The following UBE2W variants were observed in gnomAD, a reference collection of about 807,000 sequenced individuals.
The protein encoded by UBE2W is ubiquitin conjugating enzyme E2 W.
UBE2W carries 18 observed loss-of-function variants against 27.2 expected under a neutral mutation model. That is an observed-to-expected ratio of 0.66 (90% CI 0.46 to 0.98). UBE2W has a LOEUF of 0.98. UBE2W is among the 50% of genes least tolerant of loss of function. The pLI, the probability that UBE2W is intolerant of heterozygous loss-of-function variation, is 0.00. For missense variants in UBE2W, 90 were observed against 180.2 expected, an observed-to-expected ratio of 0.50 and a Z score of 2.87; for synonymous variants, 53 against 57.2, an observed-to-expected ratio of 0.93 and a Z score of 0.33.
chr8:73,878,249 C>A (rs183925525), intron 1 of UBE2W, among the ~76,000 whole-genome samples: 28 of 152,314 alleles, frequency 1.8e-4, no homozygotes, highest in African/African-American at 6.5e-4. Context: ...GATTAAGAGT[C>A]AAAGGGAAGA....
chr8:73,873,557 G>C lies in UBE2W; in HGVS notation c.15+5251C>G, dbSNP rs116935112. ...TATAGTCCCAGCTGCTTGGGAGTCT[G>C]AAGTGGGAGGATCACCCGAGCCTGG... On this transcript the variant is annotated intron_variant, in intron 1 of 5. Coordinates refer to ENST00000602593, the MANE Select transcript of UBE2W (RefSeq NM_018299.6). Among the ~76,000 whole-genome samples the C allele has an allele frequency of 6.1e-3, 931 of 152,210 alleles. 15 individuals carry two copies. The highest frequency in any genetic ancestry group is 0.041 in the South Asian group (195 of 4,812).
intron 5 of UBE2W, among the ~76,000 whole-genome samples, chr8:73,798,519 A>G (rs957918573): frequency 1.3e-5 from 2 of 152,140 alleles, no homozygotes; most frequent in African/African-American, 4.8e-5. Context: ...CAACCATTCA[A>G]TTTTCTAACA....
At chr8:73,878,416 G>C (rs1201465798) in intron 1 of UBE2W, among the ~76,000 whole-genome samples, 1 of 152,206 alleles carries the variant, frequency 6.6e-6, no homozygotes, top group Non-Finnish European at 1.5e-5. Flanking sequence ...AACAACCGCG[G>C]GCGCAGCTGT....
Position 73,788,198 on chromosome 8 carries a change from CAA to C in UBE2W, c.*5902_*5903del. The C allele has an allele frequency of 2.1e-6, 2 of 948,942 alleles. No homozygotes were observed. The highest frequency in any genetic ancestry group is 2.5e-6 in the Non-Finnish European group (2 of 796,878). The allele number at this position is 948,942 out of a possible 1,614,324, so 58.8% of individuals were successfully genotyped here. ...AGCAAAGTAATCTGCATTCAACTAA[CAA>C]GTCTGATACATGTATTAAAAAATAT... On this transcript the variant is annotated 3_prime_UTR_variant, in exon 6 of 6. Coordinates refer to ENST00000602593, the MANE Select transcript of UBE2W (RefSeq NM_018299.6).
chr8:73,797,489 T>C (rs1025168177), intron 5 of UBE2W, among the ~76,000 whole-genome samples: 2 of 152,190 alleles, frequency 1.3e-5, no homozygotes, highest in African/African-American at 4.8e-5. Context: ...ACAAACAAAC[T>C]GAGTAAAAGT....
intron 1 of UBE2W, among the ~76,000 whole-genome samples, chr8:73,836,224 G>A (rs1810303898): frequency 6.6e-6 from 1 of 151,964 alleles, no homozygotes. Context: ...CTGAGGGGGT[G>A]GAATTATTAC....
chr8:73,811,922 T>C lies in UBE2W; in HGVS notation c.211-1293A>G, dbSNP rs181369020. Reference sequence around the variant, plus strand: ...GTATGCTATAGTTTAATATGGAATATGTTATAGGAAATTACCATAAGCTAA... The same window carrying C: ...GTATGCTATAGTTTAATATGGAATACGTTATAGGAAATTACCATAAGCTAA... On this transcript the variant is annotated intron_variant, in intron 3 of 5. Transcript: ENST00000602593. Among the ~76,000 whole-genome samples the C allele has an allele frequency of 6.6e-5, 10 of 150,980 alleles. No individual in the cohort carries two copies. In the East Asian group the frequency reaches 1.7e-3, roughly 26 times the overall value.
Position 73,787,468 on chromosome 8 carries a change from T to G in UBE2W, c.*6634A>C. On this transcript the variant is annotated 3_prime_UTR_variant, in exon 6 of 6. Coordinates refer to ENST00000602593, the MANE Select transcript of UBE2W (RefSeq NM_018299.6). Reference sequence around the variant, plus strand: ...ATCAAAGTACAAAAGATGGTTCATATATTTATCTAACCATCTACTAACATA... The same window carrying G: ...ATCAAAGTACAAAAGATGGTTCATAGATTTATCTAACCATCTACTAACATA... 1 of 985,358 alleles carries G rather than the reference T, an allele frequency of 1.0e-6. No homozygotes were observed. The highest frequency in any genetic ancestry group is 1.2e-6 in the Non-Finnish European group (1 of 829,846). 61.0% of individuals were successfully genotyped at this position (985,358 alleles called of 1,614,324 possible).
intron 1 of UBE2W, chr8:73,870,417 T>C (rs1234616264): frequency 5.4e-6 from 5 of 920,668 alleles, no homozygotes; most frequent in Non-Finnish European, 8.1e-6. Context: ...CAAAAGCATC[T>C]AGTAGAGCTA....
intron 1 of UBE2W, among the ~76,000 whole-genome samples, chr8:73,873,323 A>G (rs924920165): frequency 2.6e-5 from 4 of 152,188 alleles, no homozygotes. Flanking sequence ...GTAAGAGTCC[A>G]TGTTCCATCT....
intron 1 of UBE2W, among the ~76,000 whole-genome samples, chr8:73,878,071 G>A (rs1289520200): frequency 1.3e-5 from 2 of 152,298 alleles, no homozygotes; most frequent in Non-Finnish European, 1.5e-5. Flanking sequence ...AAAATAGAAG[G>A]CAAGCTATCC....
intron 1 of UBE2W, among the ~76,000 whole-genome samples, chr8:73,865,027 G>A (rs1419035721): frequency 6.6e-6 from 1 of 151,816 alleles, no homozygotes; most frequent in Non-Finnish European, 1.5e-5. Context: ...ACACTAGACA[G>A]CACATAAGTT....
intron 1 of UBE2W, among the ~76,000 whole-genome samples, chr8:73,863,975 T>C (rs897982150): frequency 5.4e-5 from 8 of 147,168 alleles, no homozygotes; most frequent in Non-Finnish European, 1.0e-4. Context: ...GAGGAAAGTA[T>C]GATCTACAGT....
Position 73,780,098 on chromosome 8 carries a change from A to C in UBE2W, c.*382T>G, listed in dbSNP as rs76652031. The C allele has an allele frequency of 0.053, 8,077 of 153,360 alleles. 690 individuals are homozygous for C. The highest frequency in any genetic ancestry group is 0.18 in the African/African-American group (7,503 of 41,518). The allele number at this position is 153,360 out of a possible 1,614,324, so 9.5% of individuals were successfully genotyped here. ...ATAACAAAGTAGTTCAAACTGGATG[A>C]CTTAAAAGAAACCAGACATTTATTG... On this transcript the variant is annotated 3_prime_UTR_variant, in exon 5 of 5. Coordinates refer to the UBE2W transcript ENST00000523278.
intron 1 of UBE2W, among the ~76,000 whole-genome samples, chr8:73,854,668 A>G (rs1472742186): frequency 2.0e-5 from 3 of 152,208 alleles, no homozygotes; most frequent in Admixed American, 2.0e-4. Flanking sequence ...TCTGTCAAGT[A>G]AGTAGTGTTC....
intron 1 of UBE2W, among the ~76,000 whole-genome samples, chr8:73,856,597 T>A (rs1213766403): frequency 6.6e-6 from 1 of 151,980 alleles, no homozygotes; most frequent in Non-Finnish European, 1.5e-5. Flanking sequence ...TCAAGTGATC[T>A]GCCCGCCCTG....
intron 1 of UBE2W, among the ~76,000 whole-genome samples, chr8:73,858,920 GCTTT>G (rs1450808870): frequency 7.2e-5 from 10 of 139,054 alleles, no homozygotes; most frequent in Non-Finnish European, 1.1e-4. Context: ...TGGTTTTTTT[GCTTT>G]CTTTTTGGTG....
intron 5 of UBE2W, among the ~76,000 whole-genome samples, chr8:73,795,409 T>A (rs1808372996): frequency 2.0e-5 from 3 of 152,148 alleles, no homozygotes; most frequent in Admixed American, 6.5e-5. Context: ...CTGCTCTCCC[T>A]TCACCCTTCC....
Position 73,787,075 on chromosome 8 carries a change from T to C in UBE2W, c.*7027A>G. 1 of 985,460 alleles carries C rather than the reference T, an allele frequency of 1.0e-6. No individual in the cohort carries two copies. Among genetic ancestry groups the C allele is most frequent in the Non-Finnish European group, 1.2e-6 (1 of 829,930 alleles). The allele number at this position is 985,460 out of a possible 1,614,324, so 61.0% of individuals were successfully genotyped here. On this transcript the variant is annotated 3_prime_UTR_variant, in exon 6 of 6. Transcript: ENST00000602593. ...TGATAAACTTTCCTTATTATTTCCA[T>C]AATCCACTTAACTGTAAAGGGCGTA... is the stretch of plus-strand genomic sequence containing the variant.
Sources: allele counts gnomAD v4.1 joint callset (sites outside exome capture counted in the v4.1 genomes callset), GRCh38; gene constraint gnomAD v4.1.1; transcripts MANE v1.5; gene names NCBI Gene and HGNC (gene_info 2026-07-23, HGNC 2026-07-21).